PKD1L1: variants seen among roughly 807,000 people sequenced by gnomAD.
The protein encoded by PKD1L1 is polycystin 1 like 1, transient receptor potential channel interacting.
PKD1L1 carries 236 observed loss-of-function variants against 323.4 expected under a neutral mutation model. That is an observed-to-expected ratio of 0.73 (90% CI 0.66 to 0.81). The LOEUF (loss-of-function observed/expected upper bound fraction) is 0.81, where lower values mean the gene tolerates loss of function less well. PKD1L1 is among the 40% of genes least tolerant of loss of function. The probability of loss-of-function intolerance (pLI) is 0.00; values close to 1 mark genes in which losing one functional copy is unlikely to be tolerated. For missense variants in PKD1L1, 3,320 were observed against 3,508.0 expected, an observed-to-expected ratio of 0.95 and a Z score of 1.35; for synonymous variants, 1,344 against 1,335.0, an observed-to-expected ratio of 1.01 and a Z score of -0.15.
At chr7:47,812,651 G>A (rs897460843) in intron 49 of PKD1L1, among the ~76,000 whole-genome samples, 8 of 152,174 alleles carry the variant, frequency 5.3e-5, no homozygotes, top group African/African-American at 1.9e-4. Flanking sequence ...GGACAACAGT[G>A]TGACTGGCTG....
At position 47,839,004 on chromosome 7, in the gene PKD1L1, G is replaced by A. The variant is rs752025478; in HGVS notation, c.5769+442C>T. Among the ~76,000 whole-genome samples, 1 of 151,956 alleles carries A rather than the reference G, an allele frequency of 6.6e-6. No individual in the cohort carries two copies. Among genetic ancestry groups the A allele is most frequent in the African/African-American group, 2.4e-5 (1 of 41,362 alleles). On this transcript the variant is annotated intron_variant, in intron 36 of 56. Coordinates refer to ENST00000289672, the MANE Select transcript of PKD1L1 (RefSeq NM_138295.5). This position sits in a 1 kb window ranked among gnomAD's most constrained non-coding sequence, Gnocchi z 4.3. ...GCAAAAATCACGACTTCCATGGTTA[G>A]TTTGTGAGGTTATCTGTTATTCTGT...
At chr7:47,786,177 T>G (rs1160387864) in intron 56 of PKD1L1, among the ~76,000 whole-genome samples, 1 of 152,210 alleles carries the variant, frequency 6.6e-6, no homozygotes, top group African/African-American at 2.4e-5. Flanking sequence ...AACCTAACTA[T>G]AACTACAAAA....
At chr7:47,815,666 G>A (rs1304789300) in intron 46 of PKD1L1, among the ~76,000 whole-genome samples, 1 of 152,192 alleles carries the variant, frequency 6.6e-6, no homozygotes, top group Admixed American at 6.5e-5. Flanking sequence ...AGAATGGCGG[G>A]TGAAGCACTT....
At chr7:47,939,987 C>T (rs1028123711) in intron 3 of PKD1L1, among the ~76,000 whole-genome samples, 3 of 152,228 alleles carry the variant, frequency 2.0e-5, no homozygotes, top group East Asian at 1.9e-4. Flanking sequence ...GCTGGGCTAG[C>T]CCTGCCTGCA....
At chr7:47,876,054 T>C in intron 23 of PKD1L1, 43 bp downstream of exon 23, 7 of 1,604,108 alleles carry the variant, frequency 4.4e-6, no homozygotes, top group Non-Finnish European at 6.0e-6. Context: ...TTTAGAACTG[T>C]AGGTTGGCAC....
chr7:47,950,322 A>G (rs915254688), upstream of PKD1L1, among the ~76,000 whole-genome samples: 1 of 152,130 alleles, frequency 6.6e-6, no homozygotes, highest in Non-Finnish European at 1.5e-5. Context: ...CAGGGCCTAC[A>G]TTTAAAGTTT....
chr7:47,888,257 T>C, intron 16 of PKD1L1, 107 bp from the exon 17 acceptor site: 1 of 1,171,114 alleles, frequency 8.5e-7, no homozygotes, highest in South Asian at 1.5e-5. Context: ...TGGATCTTTA[T>C]TAAGGGACTT....
At chr7:47,882,502 A>G (rs1036128090) in intron 19 of PKD1L1, among the ~76,000 whole-genome samples, 1 of 152,200 alleles carries the variant, frequency 6.6e-6, no homozygotes, top group Non-Finnish European at 1.5e-5. Flanking sequence ...AAGGAAAGAA[A>G]AGCGGGGTAT....
At chr7:47,803,186 C>G (rs766185571) in intron 53 of PKD1L1, 24 bp downstream of exon 53, 2 of 1,613,488 alleles carry the variant, frequency 1.2e-6, no homozygotes, top group Non-Finnish European at 8.5e-7. Flanking sequence ...AGGGAAATCA[C>G]CTGATAAAGG....
Position 47,829,473 on chromosome 7 carries a change from G to A in PKD1L1, c.6687C>T (p.Pro2229=), listed in dbSNP as rs755984046. The change falls in exon 44 of 57, where the codon CCC becomes CCT. Residue 2229 remains proline, a synonymous_variant. Coordinates refer to ENST00000289672, the MANE Select transcript of PKD1L1 (RefSeq NM_138295.5). ...CAGGAATACTGCAGCTTGAAGAGAA[G>A]GGGAGGCGAGTCCAGGAACGTTCTG... ...ELAERSWTRL[P]FSSSCSIPDC... is the part of the protein sequence containing the mutation. 1.2e-6 allele frequency: 2 copies of A among 1,614,122 alleles called. No homozygotes were observed. The highest frequency in any genetic ancestry group is 1.1e-5 in the South Asian group (1 of 91,074).
chr7:47,829,996 C>G, intron 43 of PKD1L1, 44 bp downstream of exon 43: 1 of 1,550,150 alleles, frequency 6.5e-7, no homozygotes. Context: ...CATCTAGGTC[C>G]CCTGCTGATG....
intron 5 of PKD1L1, 31 bp downstream of exon 5, chr7:47,931,905 T>A: frequency 6.3e-7 from 1 of 1,591,002 alleles, no homozygotes; most frequent in East Asian, 2.3e-5. Flanking sequence ...AGCTTTCTGA[T>A]GAAATTCAAT....
chr7:47,948,669 G>A (rs114587087), upstream of PKD1L1, among the ~76,000 whole-genome samples: 1,170 of 152,292 alleles, frequency 7.7e-3, 22 homozygotes, highest in African/African-American at 0.026. Context: ...CCTAAGAAGT[G>A]TGCTTTTGAC....
chr7:47,813,796 C>T lies in PKD1L1; in HGVS notation c.7173+135G>A, dbSNP rs1171450148. 7.9e-6 allele frequency: 6 copies of T among 755,736 alleles called. No homozygotes were observed. The East Asian group carries it at 1.6e-4, about 20-fold the overall frequency. The allele number at this position is 755,736 out of a possible 1,614,324, so 46.8% of individuals were successfully genotyped here. On this transcript the variant is annotated intron_variant, in intron 48 of 56. Transcript: ENST00000289672. ...GGGCGAGGCTCGCCCTCTCCCCAGC[C>T]CCGGCACTGACAATTCCAATTACCA...
At chr7:47,898,786 C>A (rs1787015420) in intron 13 of PKD1L1, among the ~76,000 whole-genome samples, 1 of 151,748 alleles carries the variant, frequency 6.6e-6, no homozygotes, top group Admixed American at 6.6e-5. Context: ...TAAAAATTAA[C>A]AATAAGTTCT....
chr7:47,818,079 A>G, intron 46 of PKD1L1: 1 of 1,367,828 alleles, frequency 7.3e-7, no homozygotes, highest in Non-Finnish European at 9.8e-7. Flanking sequence ...AGTTTTGTCA[A>G]ACTATCAAAT....
chr7:47,855,875 C>CAAAAAAAAAAA (rs536157879), intron 28 of PKD1L1, among the ~76,000 whole-genome samples: 4 of 32,534 alleles, frequency 1.2e-4, no homozygotes, highest in African/African-American at 5.4e-4. Context: ...GACTCCGTCT[C>CAAAAAAAAAAA]AAAAAAAAAA....
chr7:47,857,509 A>G (rs1785930332), intron 28 of PKD1L1, 96 bp downstream of exon 28: 1 of 1,071,134 alleles, frequency 9.3e-7, no homozygotes, highest in Non-Finnish European at 1.4e-6. Context: ...AACAGGTGCA[A>G]ATATGCCAAC....
chr7:47,807,807 T>C (rs1562939366), intron 52 of PKD1L1, among the ~76,000 whole-genome samples: 1 of 152,172 alleles, frequency 6.6e-6, no homozygotes, highest in Non-Finnish European at 1.5e-5. Context: ...ACCAGACTTC[T>C]CTCTATTGAG....
Sources: gnomAD v4.1 joint callset for allele counts (sites outside exome capture counted in the v4.1 genomes callset) on GRCh38, gnomAD v4.1.1 for gene constraint, Gnocchi (gnomAD v3.1) non-coding constraint, MANE v1.5 for transcripts, NCBI Gene and HGNC (gene_info 2026-07-23, HGNC 2026-07-21) for gene names.